PCNT: variants seen among roughly 807,000 people sequenced by gnomAD.
PCNT encodes the protein kendrin.
PCNT carries 319 observed loss-of-function variants against 380.4 expected under a neutral mutation model. The ratio of observed to expected loss-of-function variants is 0.84; its 90% CI spans 0.77 to 0.92. PCNT has a LOEUF of 0.92. Ranked by LOEUF, PCNT falls within the 40% of genes least tolerant of loss-of-function variation. The pLI is 0.00. For missense variants in PCNT, 4,400 were observed against 4,255.3 expected (o/e 1.03, Z -0.95); for synonymous variants, 1,845 against 1,735.2 (o/e 1.06, Z -1.57).
intron 16 of PCNT, among the ~76,000 whole-genome samples, chr21:46,382,222 T>A (rs1408846702): frequency 7.2e-6 from 1 of 138,072 alleles, no homozygotes; most frequent in Non-Finnish European, 1.6e-5. Context: ...AGCGCATTCA[T>A]AGTGTTCTGC....
chr21:46,363,905 C>T lies in PCNT; in HGVS notation c.2580C>T (p.Cys860=), dbSNP rs373217938. 4.8e-5 allele frequency: 78 copies of T among 1,610,616 alleles called. No individual in the cohort carries two copies. The highest frequency in any genetic ancestry group is 2.4e-4 in the African/African-American group (18 of 75,044). ...ELAALHVKED[C]ALQLMLARSR... ...CTGCGCTCCACGTGAAGGAAGACTG[C>T]GCCCTGCAGCTGATGCTGGCCCGGA... The change falls in exon 14 of 47, where the codon TGC becomes TGT. Residue 860 remains cysteine (C), a synonymous_variant. Coordinates refer to ENST00000359568, the MANE Select transcript of PCNT (RefSeq NM_006031.6).
At position 46,411,936 on chromosome 21, in the gene PCNT, G is replaced by A. The variant is rs367770934; in HGVS notation, c.5863G>A (p.Ala1955Thr). 5.0e-6 allele frequency: 8 copies of A among 1,595,252 alleles called. No individual in the cohort carries two copies. Among genetic ancestry groups the A allele is most frequent in the South Asian group, 1.1e-5 (1 of 90,468 alleles). ...GCTGGACAGGCGGCAGGCCCGCAGAGCCACAGCTCACACACGGGTGCCCGG... is the reference window on the plus strand; with the variant it reads ...GCTGGACAGGCGGCAGGCCCGCAGAACCACAGCTCACACACGGGTGCCCGG... ...VELDRRQARR[A>T]TAHTRVPGAH... The change falls in exon 28 of 47, where the codon GCC (alanine) becomes ACC (threonine). Residue 1955 changes from alanine to threonine, a missense_variant. Ala to Thr is a moderately conservative substitution (Grantham distance 58, BLOSUM62 0). Transcript: ENST00000359568.
chr21:46,325,136 C>A, intron 1 of PCNT: 1 of 985,640 alleles, frequency 1.0e-6, no homozygotes, highest in Non-Finnish European at 1.2e-6. Flanking sequence ...GCGCAGAGCC[C>A]ATGACTCGGG....
intron 25 of PCNT, among the ~76,000 whole-genome samples, 190 bp downstream of exon 25, chr21:46,399,986 C>T (rs2086367307): frequency 6.6e-6 from 1 of 152,156 alleles, no homozygotes; most frequent in Non-Finnish European, 1.5e-5. Context: ...TTTGACCTTT[C>T]TGGAGATTGT....
In PCNT at chr21:46,398,067, G is replaced by C. The variant is rs750486631; in HGVS notation, c.4500G>C (p.Gln1500His). The C allele has an allele frequency of 1.9e-6, 3 of 1,597,270 alleles. No homozygotes were observed. The highest frequency in any genetic ancestry group is 2.6e-6 in the Non-Finnish European group (3 of 1,173,130). Reference sequence around the variant, plus strand: ...GCGAGGAGTTCCAGCAGGAGATTCAGAGGCTGGAGGGGCAGCTCCGCCAGG... The same window carrying C: ...GCGAGGAGTTCCAGCAGGAGATTCACAGGCTGGAGGGGCAGCTCCGCCAGG... ...HEREEFQQEIQRLEGQLRQAA... is the reference protein window; with the variant it reads ...HEREEFQQEIHRLEGQLRQAA... Residue 1500 changes from glutamine (Q) to histidine (H), a missense_variant, in exon 23 of 47, where the codon CAG becomes CAC. Transcript: ENST00000359568.
intron 1 of PCNT, chr21:46,324,811 C>A: frequency 1.1e-6 from 1 of 897,246 alleles, no homozygotes; most frequent in Non-Finnish European, 1.3e-6. Flanking sequence ...GGGCGTGGCG[C>A]GGGTGGCCTG....
At chr21:46,337,677 G>T (rs180812481) in intron 3 of PCNT, among the ~76,000 whole-genome samples, 1 of 152,280 alleles carries the variant, frequency 6.6e-6, no homozygotes, top group Non-Finnish European at 1.5e-5. Flanking sequence ...CCGCTTCCCG[G>T]ATTCAAGCGA....
chr21:46,431,418 C>G, intron 37 of PCNT, 111 bp from the exon 38 acceptor site: 1 of 1,580,964 alleles, frequency 6.3e-7, no homozygotes, highest in Non-Finnish European at 8.6e-7. Flanking sequence ...GGGTGCATTT[C>G]AAAAGGTAGA....
Position 46,422,138 on chromosome 21 carries a change from G to A in PCNT, c.7179+14G>A. 6.2e-7 allele frequency: 1 copy of A among 1,612,916 alleles called. No homozygotes were observed. Among genetic ancestry groups the A allele is most frequent in the Non-Finnish European group, 8.5e-7 (1 of 1,179,910 alleles). ...AAGCACGTGAAGGTATGGCTGGCAG[G>A]GGCGGCCCTCACAGCTTCACATGTG... is the stretch of plus-strand genomic sequence containing the variant. On this transcript the variant is annotated intron_variant, in intron 32 of 46. Transcript: ENST00000359568.
rs1167717870 is a variant in PCNT, at chr21:46,385,892, G to A, written c.3373G>A (p.Val1125Met). The A allele has an allele frequency of 9.9e-6, 16 of 1,614,114 alleles. No homozygotes were observed. The Admixed American group carries it at 1.5e-4, about 15-fold the overall frequency. ...EIEECRSELE[V>M]LQQRRERENR... is the part of the protein sequence containing the mutation. ...AGAAGAGTGCCGCTCCGAGTTGGAG[G>A]TGCTGCAGCAGAGGCGGGAGCGGGA... The change falls in exon 17 of 47, where the codon GTG becomes ATG. Residue 1125 changes from valine to methionine, a missense_variant. Coordinates refer to ENST00000359568, the MANE Select transcript of PCNT (RefSeq NM_006031.6).
rs116679786 is a variant in PCNT, at chr21:46,412,347, C to A, written c.5994+280C>A. Among the ~76,000 whole-genome samples, 1,023 of 152,318 alleles carry A rather than the reference C, an allele frequency of 6.7e-3. 17 individuals are homozygous for A. Among genetic ancestry groups the A allele is most frequent in the African/African-American group, 0.024 (977 of 41,552 alleles). Reference sequence around the variant, plus strand: ...CTTTCTTTCACATAATAGGGACTGTCCAGTGAAACGGAGCTCACTATGTGA... The same window carrying A: ...CTTTCTTTCACATAATAGGGACTGTACAGTGAAACGGAGCTCACTATGTGA... On this transcript the variant is annotated intron_variant, in intron 28 of 46. Coordinates refer to ENST00000359568, the MANE Select transcript of PCNT (RefSeq NM_006031.6).
Position 46,356,726 on chromosome 21 carries a change from G to A in PCNT, c.1937-248G>A, listed in dbSNP as rs569819193. 1.5e-3 allele frequency among the ~76,000 whole-genome samples: 226 copies of A among 152,358 alleles called. 1 individual carries two copies. Among genetic ancestry groups the A allele is most frequent in the Middle Eastern group, 3.4e-3 (1 of 294 alleles). ...AGCCTGGGCGGGTCGTGTGGCTGTC[G>A]TGTGGGCCCAGGACATCCCTGTGAC... is the stretch of plus-strand genomic sequence containing the variant. On this transcript the variant is annotated intron_variant, in intron 12 of 46. Transcript: ENST00000359568.
intron 20 of PCNT, 100 bp downstream of exon 20, chr21:46,390,932 G>A: frequency 2.1e-6 from 3 of 1,416,930 alleles, no homozygotes; most frequent in Non-Finnish European, 2.9e-6. Context: ...TTTTTAAAGT[G>A]AAATGTAAAA....
At chr21:46,327,536 G>T (rs959186102) in intron 2 of PCNT, among the ~76,000 whole-genome samples, 1 of 152,098 alleles carries the variant, frequency 6.6e-6, no homozygotes, top group Admixed American at 6.6e-5. Context: ...AAAGTGTTGG[G>T]ATTATAGGCA....
chr21:46,356,973 G>C lies in PCNT; in HGVS notation c.1937-1G>C, dbSNP rs774995221. ...GTCTTCCCTGCTCCTTTTCCACACA[G>C]AGCTTCCCTGGGTGCATCTCCAGGG... is the stretch of plus-strand genomic sequence containing the variant. On this transcript the variant is annotated splice_acceptor_variant, in intron 12 of 46. Coordinates refer to ENST00000359568, the MANE Select transcript of PCNT (RefSeq NM_006031.6). LOFTEE classifies it high-confidence loss of function. 1.3e-5 allele frequency: 21 copies of C among 1,613,630 alleles called. No homozygotes were observed. The highest frequency in any genetic ancestry group is 2.2e-5 in the South Asian group (2 of 91,064).
chr21:46,335,983 ATTGT>A (rs1001171251), intron 3 of PCNT, among the ~76,000 whole-genome samples: 3 of 149,130 alleles, frequency 2.0e-5, no homozygotes, highest in East Asian at 2.0e-4. Flanking sequence ...TGGCCGGCAA[ATTGT>A]TTGTTTTTTG....
intron 17 of PCNT, among the ~76,000 whole-genome samples, chr21:46,387,260 A>G (rs1026311293): frequency 6.6e-6 from 1 of 151,874 alleles, no homozygotes; most frequent in Non-Finnish European, 1.5e-5. Context: ...CTTTTCATCA[A>G]GTTTTGTGAT....
chr21:46,418,678 T>C (rs1156408328), intron 31 of PCNT, among the ~76,000 whole-genome samples: 2 of 152,254 alleles, frequency 1.3e-5, no homozygotes, highest in East Asian at 3.8e-4. Flanking sequence ...GGATGGAGAC[T>C]GGGGCGGTGC....
chr21:46,445,600 T>C lies in PCNT; in HGVS notation c.*273T>C, dbSNP rs1203726370. ...CATGAGCCCTGGCTGTGTGCTGTTGTGTGCCTATCGGCAGATCCATCCTTC... is the reference window on the plus strand; with the variant it reads ...CATGAGCCCTGGCTGTGTGCTGTTGCGTGCCTATCGGCAGATCCATCCTTC... On this transcript the variant is annotated 3_prime_UTR_variant, in exon 47 of 47. Transcript: ENST00000359568. 6 of 505,406 alleles carry C rather than the reference T, an allele frequency of 1.2e-5. No homozygotes were observed. The highest frequency in any genetic ancestry group is 1.1e-5 in the Non-Finnish European group (3 of 283,684). The allele number at this position is 505,406 out of a possible 1,614,324, so 31.3% of individuals were successfully genotyped here. A position where few individuals can be genotyped will look rare whatever the true frequency, so the allele number is the denominator to read the frequency against.
Sources: gnomAD v4.1 joint callset for allele counts (sites outside exome capture counted in the v4.1 genomes callset) on GRCh38, gnomAD v4.1.1 for gene constraint, MANE v1.5 for transcripts, NCBI Gene and HGNC (gene_info 2026-07-23, HGNC 2026-07-21) for gene names.